Variants in EYA1 observed in about 807,000 individuals in gnomAD.
EYA1 encodes the protein protein phosphatase EYA1.
In EYA1, 16 loss-of-function variants were observed where a neutral mutation model predicts 82.0. That is an observed-to-expected ratio of 0.20 (90% CI 0.13 to 0.30). The LOEUF (loss-of-function observed/expected upper bound fraction) is 0.30, where lower values mean the gene tolerates loss of function less well. EYA1 is among the 10% of genes least tolerant of loss of function. The probability of loss-of-function intolerance (pLI) is 1.00; values close to 1 mark genes in which losing one functional copy is unlikely to be tolerated. For missense variants in EYA1, 633 were observed against 730.7 expected, an observed-to-expected ratio of 0.87 and a Z score of 1.54; for synonymous variants, 261 against 264.4, an observed-to-expected ratio of 0.99 and a Z score of 0.12.
intron 2 of EYA1, among the ~76,000 whole-genome samples, chr8:71,392,005 A>G (rs1376454251): frequency 6.6e-6 from 1 of 152,072 alleles, no homozygotes; most frequent in Non-Finnish European, 1.5e-5. Context: ...CTGCAGCTGC[A>G]GCTCCTTGAC....
chr8:71,392,524 G>C (rs1829337479), intron 2 of EYA1, among the ~76,000 whole-genome samples: 1 of 152,072 alleles, frequency 6.6e-6, no homozygotes, highest in African/African-American at 2.4e-5. Flanking sequence ...TTTGTATTTT[G>C]CTCAGAGGTC....
chr8:71,269,034 G>A (rs1816201345), intron 11 of EYA1, among the ~76,000 whole-genome samples: 2 of 152,078 alleles, frequency 1.3e-5, no homozygotes, highest in Admixed American at 6.5e-5. Context: ...ATTACCTATA[G>A]CTACTTTAAA....
intron 11 of EYA1, among the ~76,000 whole-genome samples, chr8:71,251,906 C>G (rs1354758817): frequency 2.0e-5 from 3 of 151,938 alleles, no homozygotes; most frequent in Non-Finnish European, 2.9e-5. Context: ...ATATTCTGGA[C>G]AAAAGCAGTG....
intron 5 of EYA1, 116 bp from the exon 6 acceptor site, chr8:71,321,995 TCA>T (rs1822613581): frequency 7.1e-7 from 1 of 1,407,394 alleles, no homozygotes; most frequent in Non-Finnish European, 1.0e-6. Flanking sequence ...AGTAAAACTT[TCA>T]CACAGAATTG....
intron 2 of EYA1, among the ~76,000 whole-genome samples, chr8:71,530,689 A>G (rs1814194672): frequency 6.6e-6 from 1 of 152,232 alleles, no homozygotes; most frequent in Admixed American, 6.5e-5. Context: ...CTATTAAAAA[A>G]TAAATAATTA....
intron 7 of EYA1, among the ~76,000 whole-genome samples, chr8:71,308,765 G>A (rs191949677): frequency 6.8e-6 from 1 of 146,720 alleles, no homozygotes; most frequent in Admixed American, 6.9e-5. Context: ...CTGCTTCACA[G>A]AGAACAAGGA....
intron 2 of EYA1, among the ~76,000 whole-genome samples, chr8:71,406,613 G>C (rs772026622): frequency 6.6e-6 from 1 of 152,196 alleles, no homozygotes; most frequent in African/African-American, 2.4e-5. Flanking sequence ...AAGGGGTGAC[G>C]GATGCACCTG....
At chr8:71,536,807 A>G (rs1814745942) in intron 1 of EYA1, among the ~76,000 whole-genome samples, 1 of 152,224 alleles carries the variant, frequency 6.6e-6, no homozygotes, top group African/African-American at 2.4e-5. Flanking sequence ...ACATGCTCAC[A>G]TATTAGGAAA....
chr8:71,302,084 A>C (rs1465018046), intron 7 of EYA1, among the ~76,000 whole-genome samples: 2 of 152,210 alleles, frequency 1.3e-5, no homozygotes, highest in African/African-American at 4.8e-5. Flanking sequence ...TGTGGATATC[A>C]ATGCTTTTTT....
chr8:71,354,225 T>C (rs1826612831), intron 3 of EYA1, among the ~76,000 whole-genome samples: 1 of 152,138 alleles, frequency 6.6e-6, no homozygotes, highest in South Asian at 2.1e-4. Flanking sequence ...AAATAGTGTG[T>C]ATATCACCTA....
chr8:71,467,634 G>A (rs1202502657), intron 2 of EYA1, among the ~76,000 whole-genome samples: 2 of 152,030 alleles, frequency 1.3e-5, no homozygotes, highest in African/African-American at 4.8e-5. Context: ...AAGTGCCTAA[G>A]GGCTTCTTCC....
chr8:71,395,971 C>T (rs148737185), intron 2 of EYA1, among the ~76,000 whole-genome samples: 2,147 of 152,186 alleles, frequency 0.014, 46 homozygotes, highest in African/African-American at 0.049. Flanking sequence ...ATTTAAGAAC[C>T]TGTAATTGGT....
At chr8:71,267,795 G>A (rs375957142) in intron 11 of EYA1, among the ~76,000 whole-genome samples, 34 of 152,170 alleles carry the variant, frequency 2.2e-4, no homozygotes, top group South Asian at 1.5e-3. Context: ...TGATCCACCC[G>A]CCTTGGCCTC....
chr8:71,389,605 A>G (rs535768662), intron 2 of EYA1, among the ~76,000 whole-genome samples: 47 of 152,336 alleles, frequency 3.1e-4, no homozygotes, highest in African/African-American at 9.6e-4. Flanking sequence ...TATCAACATC[A>G]TGGAAAAAAA....
At chr8:71,365,922 C>CA, upstream of EYA1, among the ~76,000 whole-genome samples, 1 of 152,278 alleles carries the variant, frequency 6.6e-6, no homozygotes, top group Middle Eastern at 3.4e-3. Flanking sequence ...ATTCAAACTC[C>CA]AACATGATTA....
chr8:71,487,981 A>G (rs1005391084), intron 2 of EYA1, among the ~76,000 whole-genome samples: 2 of 152,202 alleles, frequency 1.3e-5, no homozygotes, highest in Non-Finnish European at 1.5e-5. Context: ...CAAATATCCA[A>G]TAAAAGCCAC....
chr8:71,467,619 G>A (rs1285151939), intron 2 of EYA1, among the ~76,000 whole-genome samples: 1 of 152,040 alleles, frequency 6.6e-6, no homozygotes, highest in Non-Finnish European at 1.5e-5. Context: ...TTAATAAATG[G>A]TTCTAAGTGC....
chr8:71,235,064 G>GT (rs1021822792), intron 12 of EYA1, among the ~76,000 whole-genome samples: 3 of 152,096 alleles, frequency 2.0e-5, no homozygotes, highest in Non-Finnish European at 4.4e-5. Context: ...AAAGGATACT[G>GT]TAAGTCCTGT....
intron 2 of EYA1, among the ~76,000 whole-genome samples, chr8:71,504,385 C>T (rs1431780377): frequency 6.6e-6 from 1 of 152,056 alleles, no homozygotes; most frequent in African/African-American, 2.4e-5. Flanking sequence ...TTTTTCAAGT[C>T]CCATTTTAGT....
Sources: allele counts gnomAD v4.1 joint callset (sites outside exome capture counted in the v4.1 genomes callset), GRCh38; gene constraint gnomAD v4.1.1; transcripts MANE v1.5; gene names NCBI Gene and HGNC (gene_info 2026-07-23, HGNC 2026-07-21).